Variants in PIWIL2 observed in about 807,000 individuals in gnomAD.
PIWIL2 encodes piwi-like protein 2.
In PIWIL2, 81 loss-of-function variants were observed where a neutral mutation model predicts 116.5. That is an observed-to-expected ratio of 0.70 (90% CI 0.58 to 0.84). PIWIL2 has a LOEUF of 0.84. PIWIL2 is among the 40% of genes least tolerant of loss of function. PIWIL2 has a pLI of 0.00. For synonymous variants in PIWIL2, 489 were observed against 429.5 expected (o/e 1.14, Z -1.71); for missense variants, 1,272 against 1,212.3 (o/e 1.05, Z -0.73).
chr8:22,287,701 T>G, intron 7 of PIWIL2, 56 bp downstream of exon 7: 1 of 1,091,282 alleles, frequency 9.2e-7, no homozygotes, highest in Non-Finnish European at 1.4e-6. Flanking sequence ...CTCTGGCGTT[T>G]TTTGTTTGGT....
chr8:22,309,090 T>A (rs1330548491), intron 14 of PIWIL2, among the ~76,000 whole-genome samples: 2 of 152,020 alleles, frequency 1.3e-5, no homozygotes, highest in East Asian at 3.9e-4. Flanking sequence ...GCTTCCCAAG[T>A]AGCTGGGATT....
rs901402965 is a variant in PIWIL2 at position 22,357,189 on chromosome 8, T to G, written c.*1684T>G. On this transcript the variant is annotated 3_prime_UTR_variant, in exon 23 of 23. Transcript: ENST00000356766. ...CCTTAAAACAAGAAAACCAAGAATG[T>G]TTTTGGTTTGTTGCGGTGCCCAGCC... 2.6e-5 allele frequency: 4 copies of G among 152,018 alleles called. No homozygotes were observed. The highest frequency in any genetic ancestry group is 9.7e-5 in the African/African-American group (4 of 41,400). The allele number at this position is 152,018 out of a possible 1,614,324, so 9.4% of individuals were successfully genotyped here. A position where few individuals can be genotyped will look rare whatever the true frequency, so the allele number is the denominator to read the frequency against.
intron 20 of PIWIL2, among the ~76,000 whole-genome samples, chr8:22,334,745 A>T (rs1831941387): frequency 6.6e-6 from 1 of 151,972 alleles, no homozygotes; most frequent in African/African-American, 2.4e-5. Context: ...TGTGCCTGGC[A>T]AGATTATTGT....
At chr8:22,329,191 AT>A (rs2132076329) in intron 20 of PIWIL2, among the ~76,000 whole-genome samples, 1 of 152,322 alleles carries the variant, frequency 6.6e-6, no homozygotes. Flanking sequence ...ATTTTATCAG[AT>A]GATTTTTCTG....
intron 20 of PIWIL2, among the ~76,000 whole-genome samples, chr8:22,321,072 A>G (rs982947401): frequency 1.3e-5 from 2 of 152,216 alleles, no homozygotes; most frequent in Non-Finnish European, 2.9e-5. Flanking sequence ...TATCTGAACT[A>G]TGAACTTAAG....
At chr8:22,326,703 C>T (rs999165751) in intron 20 of PIWIL2, among the ~76,000 whole-genome samples, 1 of 151,962 alleles carries the variant, frequency 6.6e-6, no homozygotes, top group Non-Finnish European at 1.5e-5. Context: ...TATAATATTC[C>T]ATTGTATTTA....
intron 10 of PIWIL2, among the ~76,000 whole-genome samples, chr8:22,297,507 C>T (rs193075298): frequency 7.4e-4 from 113 of 151,734 alleles, no homozygotes; most frequent in Admixed American, 3.7e-3. Flanking sequence ...CTTTGGCTTT[C>T]GAAGTTTTAC....
chr8:22,335,371 T>A (rs1472367175), intron 20 of PIWIL2, among the ~76,000 whole-genome samples: 3 of 152,080 alleles, frequency 2.0e-5, no homozygotes, highest in Non-Finnish European at 4.4e-5. Flanking sequence ...TGTAGTCCTA[T>A]TTATTTTTTC....
chr8:22,301,087 C>G (rs1831036116), intron 10 of PIWIL2, among the ~76,000 whole-genome samples: 1 of 151,696 alleles, frequency 6.6e-6, no homozygotes, highest in South Asian at 2.1e-4. Context: ...TCAAGCAGTC[C>G]TCTCACCTCA....
intron 20 of PIWIL2, among the ~76,000 whole-genome samples, chr8:22,337,586 C>T (rs948607732): frequency 4.6e-5 from 7 of 150,560 alleles, no homozygotes; most frequent in Non-Finnish European, 8.9e-5. Flanking sequence ...AAAAAAATAG[C>T]TGGGCGTGGT....
At chr8:22,319,888 G>A (rs955381325) in intron 20 of PIWIL2, among the ~76,000 whole-genome samples, 3 of 152,170 alleles carry the variant, frequency 2.0e-5, no homozygotes, top group African/African-American at 7.2e-5. Flanking sequence ...TTTGAGGGGA[G>A]GGCAGTTGAT....
At chr8:22,304,299 C>A in intron 11 of PIWIL2, 90 bp downstream of exon 11, 2 of 746,214 alleles carry the variant, frequency 2.7e-6, no homozygotes, top group Admixed American at 2.3e-5. Context: ...CAATAGCATA[C>A]CACTTGACAC....
At chr8:22,317,174 G>C (rs1831479932) in intron 19 of PIWIL2, among the ~76,000 whole-genome samples, 1 of 152,170 alleles carries the variant, frequency 6.6e-6, no homozygotes, top group Admixed American at 6.5e-5. Flanking sequence ...CCTTGTTGTT[G>C]GCATTTTTCC....
intron 20 of PIWIL2, among the ~76,000 whole-genome samples, chr8:22,342,431 G>A (rs1254466685): frequency 1.3e-5 from 2 of 152,140 alleles, no homozygotes; most frequent in Non-Finnish European, 2.9e-5. Context: ...AAGACAGCCG[G>A]ATAGATAAGT....
chr8:22,352,884 C>G, intron 20 of PIWIL2, 75 bp from the exon 21 acceptor site: 1 of 1,429,254 alleles, frequency 7.0e-7, no homozygotes, highest in Non-Finnish European at 9.6e-7. Context: ...CTACACAATG[C>G]GAGTGGGCCT....
At chr8:22,281,554 G>A (rs376956992) in intron 4 of PIWIL2, 39 bp downstream of exon 4, 9 of 1,501,540 alleles carry the variant, frequency 6.0e-6, no homozygotes, top group Non-Finnish European at 8.0e-6. Context: ...ATCAAATTCA[G>A]ATGGAATATC....
chr8:22,285,676 C>G (rs1225196376), intron 6 of PIWIL2, among the ~76,000 whole-genome samples: 1 of 151,752 alleles, frequency 6.6e-6, no homozygotes, highest in East Asian at 1.9e-4. Flanking sequence ...GGGTCTCAAT[C>G]TGTCACCCAG....
chr8:22,309,684 C>T (rs977254561), intron 14 of PIWIL2, among the ~76,000 whole-genome samples: 2 of 152,204 alleles, frequency 1.3e-5, no homozygotes, highest in Non-Finnish European at 2.9e-5. Flanking sequence ...TTCAGTCATT[C>T]TAAATAGACA....
intron 21 of PIWIL2, 100 bp from the exon 22 acceptor site, chr8:22,354,171 C>A: frequency 1.3e-6 from 1 of 783,080 alleles, no homozygotes; most frequent in East Asian, 2.5e-5. Context: ...TTTGAGCTCT[C>A]TGAGCTTTAG....
Sources: allele counts gnomAD v4.1 joint callset (sites outside exome capture counted in the v4.1 genomes callset), GRCh38; gene constraint gnomAD v4.1.1; transcripts MANE v1.5; gene names NCBI Gene and HGNC (gene_info 2026-07-23, HGNC 2026-07-21).